Variants in MYT1L observed in about 807,000 individuals in gnomAD.
MYT1L encodes the protein myelin transcription factor 1-like protein.
MYT1L carries 12 observed loss-of-function variants against 126.7 expected under a neutral mutation model. That is an observed-to-expected ratio of 0.09 (90% CI 0.06 to 0.15). The LOEUF is 0.15. Ranked by LOEUF, MYT1L falls within the 10% of genes least tolerant of loss-of-function variation. The pLI, the probability that MYT1L is intolerant of heterozygous loss-of-function variation, is 1.00. For missense variants in MYT1L, 979 were observed against 1,585.2 expected (o/e 0.62, Z 6.49); for synonymous variants, 541 against 604.2 (o/e 0.90, Z 1.53).
At chr2:2,267,209 C>T (rs1013803187) in intron 2 of MYT1L, among the ~76,000 whole-genome samples, 1 of 152,184 alleles carries the variant, frequency 6.6e-6, no homozygotes, top group Non-Finnish European at 1.5e-5. Flanking sequence ...AGAAAAGGAG[C>T]AACAGCCCTG....
chr2:1,871,655 G>T (rs547138414), intron 18 of MYT1L, among the ~76,000 whole-genome samples: 1 of 152,284 alleles, frequency 6.6e-6, no homozygotes, highest in Non-Finnish European at 1.5e-5. Context: ...GCAGATGCCC[G>T]GCCCAGCTGC....
Position 1,892,215 on chromosome 2 carries a change from TTGCTGC to T in MYT1L, c.2099_2104del (p.Ser700_Ser701del). 1.9e-6 allele frequency: 3 copies of T among 1,549,886 alleles called. No homozygotes were observed. The highest frequency in any genetic ancestry group is 2.6e-6 in the Non-Finnish European group (3 of 1,146,288). On this transcript the variant is annotated inframe_deletion, in exon 15 of 25. Coordinates refer to ENST00000647738, the MANE Select transcript of MYT1L (RefSeq NM_001303052.2). ...GCTGCTGCCCCCGCCGCAGCTCAGG[TTGCTGC>T]TGCTGCTGGGCGCGTAGCTGCTGGT...
chr2:2,292,847 G>C (rs558987180), intron 1 of MYT1L, among the ~76,000 whole-genome samples: 1 of 152,230 alleles, frequency 6.6e-6, no homozygotes, highest in African/African-American at 2.4e-5. Flanking sequence ...TCTGTACACA[G>C]AGCAATCAGA....
rs1173422675 is a variant in MYT1L, at chr2:1,852,141, AC to A, written c.2712-439del. Among the ~76,000 whole-genome samples the A allele has an allele frequency of 6.6e-6, 1 of 151,800 alleles. No homozygotes were observed. The highest frequency in any genetic ancestry group is 2.4e-5 in the African/African-American group (1 of 41,288). ...GAGAATGGTTTTAGTCTGAACTCAG[AC>A]CCCAGCACTGCAAAGGCACCCCTTC... On this transcript the variant is annotated intron_variant, in intron 18 of 24. Coordinates refer to ENST00000647738, the MANE Select transcript of MYT1L (RefSeq NM_001303052.2). The surrounding 1 kb of genome is among the most constrained non-coding windows in gnomAD (Gnocchi z 4.0).
At chr2:1,913,159 C>T (rs530490687) in intron 11 of MYT1L, among the ~76,000 whole-genome samples, 1 of 152,330 alleles carries the variant, frequency 6.6e-6, no homozygotes, top group Non-Finnish European at 1.5e-5. Context: ...TCTCTTTCCC[C>T]TGCAGTCTGC....
chr2:2,068,305 T>C (rs1040421283), intron 3 of MYT1L, among the ~76,000 whole-genome samples: 3 of 151,982 alleles, frequency 2.0e-5, no homozygotes, highest in Non-Finnish European at 2.9e-5. Flanking sequence ...GAGTCCGAGG[T>C]TGCAGTGGCT....
intron 3 of MYT1L, among the ~76,000 whole-genome samples, chr2:2,170,216 C>A (rs1377103820): frequency 2.6e-5 from 4 of 152,326 alleles, no homozygotes; most frequent in South Asian, 2.1e-4. Context: ...GAACATCTCT[C>A]TTCCAAAACT....
intron 15 of MYT1L, among the ~76,000 whole-genome samples, chr2:1,891,564 T>C (rs540934474): frequency 6.6e-5 from 10 of 152,328 alleles, no homozygotes; most frequent in African/African-American, 2.2e-4. Flanking sequence ...GGCTGATCCC[T>C]TGGTGTGAAG....
At chr2:2,294,548 A>T (rs1238999873) in intron 1 of MYT1L, among the ~76,000 whole-genome samples, 2 of 152,064 alleles carry the variant, frequency 1.3e-5, no homozygotes, top group African/African-American at 4.8e-5. Flanking sequence ...ACTGCATTGC[A>T]TTCGAGATAT....
chr2:2,128,799 C>A (rs763053586), intron 3 of MYT1L, among the ~76,000 whole-genome samples: 19 of 152,086 alleles, frequency 1.2e-4, no homozygotes, highest in Non-Finnish European at 2.2e-4. Context: ...AATAACACTG[C>A]ATTGAGATCA....
chr2:1,914,826 T>C (rs923784125), intron 11 of MYT1L, among the ~76,000 whole-genome samples: 1 of 152,220 alleles, frequency 6.6e-6, no homozygotes, highest in Non-Finnish European at 1.5e-5. Context: ...CCCCAGCTTT[T>C]CCATTCCCAC....
At chr2:2,184,255 GACAT>G (rs2091887255) in intron 2 of MYT1L, among the ~76,000 whole-genome samples, 1 of 152,090 alleles carries the variant, frequency 6.6e-6, no homozygotes, top group Non-Finnish European at 1.5e-5. Flanking sequence ...TCTTATTAAT[GACAT>G]ACAAAGTAAT....
intron 3 of MYT1L, among the ~76,000 whole-genome samples, chr2:2,171,984 A>AT (rs1483490527): frequency 6.6e-6 from 1 of 152,190 alleles, no homozygotes; most frequent in Non-Finnish European, 1.5e-5. Flanking sequence ...AGAAATTGCC[A>AT]TTTTTACCAG....
intron 1 of MYT1L, among the ~76,000 whole-genome samples, chr2:2,294,288 C>A (rs186903630): frequency 2.1e-3 from 324 of 152,268 alleles, no homozygotes; most frequent in African/African-American, 6.2e-3. Flanking sequence ...GAGCCCCTGG[C>A]ATCCTCTCAA....
chr2:2,104,032 T>C (rs748281936), intron 3 of MYT1L, among the ~76,000 whole-genome samples: 14 of 152,182 alleles, frequency 9.2e-5, no homozygotes, highest in Non-Finnish European at 1.6e-4. Context: ...TGAGAATTAT[T>C]TGAAGAGAGT....
At chr2:1,990,410 C>T (rs553968844) in intron 5 of MYT1L, among the ~76,000 whole-genome samples, 24 of 152,252 alleles carry the variant, frequency 1.6e-4, no homozygotes, top group African/African-American at 5.8e-4. Flanking sequence ...AAATAAGAGA[C>T]CCTCAGGAAA....
chr2:2,031,864 T>G (rs2066325261), intron 4 of MYT1L, among the ~76,000 whole-genome samples: 2 of 130,830 alleles, frequency 1.5e-5, no homozygotes, highest in Admixed American at 7.6e-5. Flanking sequence ...TCTCATCCTG[T>G]GACCGAGAGC....
At chr2:1,942,836 G>A (rs1015887303) in intron 9 of MYT1L, 146 bp downstream of exon 9, 1 of 1,037,750 alleles carries the variant, frequency 9.6e-7, no homozygotes, top group Non-Finnish European at 1.3e-6. Context: ...GAAGTGTTCA[G>A]TTCATATAAG....
At chr2:2,261,951 G>C (rs1324964189) in intron 2 of MYT1L, among the ~76,000 whole-genome samples, 1 of 152,138 alleles carries the variant, frequency 6.6e-6, no homozygotes, top group African/African-American at 2.4e-5. Flanking sequence ...AATACTTAAT[G>C]TTTCCCAAAA....
Sources: allele counts gnomAD v4.1 joint callset (sites outside exome capture counted in the v4.1 genomes callset), GRCh38; gene constraint gnomAD v4.1.1; non-coding constraint Gnocchi (gnomAD v3.1); transcripts MANE v1.5; gene names NCBI Gene and HGNC (gene_info 2026-07-23, HGNC 2026-07-21).